Variants in CTNNA3 observed in about 807,000 individuals in gnomAD.
The protein encoded by CTNNA3 is catenin alpha 3.
Under a neutral mutation model 95.7 loss-of-function variants are expected in CTNNA3, and 76 were observed. The observed-to-expected ratio is 0.79, with a 90% confidence interval of 0.66 to 0.96. The LOEUF (loss-of-function observed/expected upper bound fraction) is 0.96, where lower values mean the gene tolerates loss of function less well. CTNNA3 is among the 40% of genes least tolerant of loss of function. The pLI, the probability that CTNNA3 is intolerant of heterozygous loss-of-function variation, is 0.00. For synonymous variants in CTNNA3, 431 were observed against 374.4 expected, an observed-to-expected ratio of 1.15 and a Z score of -1.74; for missense variants, 1,191 against 1,089.8, an observed-to-expected ratio of 1.09 and a Z score of -1.31.
chr10:66,177,406 T>C (rs958018593), intron 13 of CTNNA3, among the ~76,000 whole-genome samples: 1 of 152,036 alleles, frequency 6.6e-6, no homozygotes, highest in East Asian at 1.9e-4. Context: ...ACCAGATTTT[T>C]AAAAATTTTG....
intron 7 of CTNNA3, among the ~76,000 whole-genome samples, chr10:66,965,868 C>A (rs765254585): frequency 2.0e-5 from 3 of 152,072 alleles, no homozygotes; most frequent in Admixed American, 2.0e-4. Flanking sequence ...TGTGCCTTCC[C>A]ATCATTATAA....
At chr10:66,021,717 A>ATTAG (rs2079214466) in intron 15 of CTNNA3, among the ~76,000 whole-genome samples, 1 of 152,166 alleles carries the variant, frequency 6.6e-6, no homozygotes, top group South Asian at 2.1e-4. Context: ...AAACCACAGT[A>ATTAG]TTAGTGTCCA....
At chr10:65,965,553 C>T (rs1041358339) in intron 17 of CTNNA3, among the ~76,000 whole-genome samples, 9 of 151,680 alleles carry the variant, frequency 5.9e-5, no homozygotes, top group Non-Finnish European at 1.0e-4. Flanking sequence ...TACAGGCATG[C>T]GCCACCACAC....
intron 13 of CTNNA3, among the ~76,000 whole-genome samples, chr10:66,135,480 TGA>T (rs1358871647): frequency 6.6e-6 from 1 of 151,926 alleles, no homozygotes; most frequent in Non-Finnish European, 1.5e-5. Flanking sequence ...TCTGTAACAG[TGA>T]GAGAGAAATT....
chr10:67,684,430 T>C (rs1470278441), intron 1 of CTNNA3, among the ~76,000 whole-genome samples: 1 of 152,144 alleles, frequency 6.6e-6, no homozygotes, highest in African/African-American at 2.4e-5. Context: ...CACAGAGTGC[T>C]GACTGATGCG....
At chr10:66,433,327 T>C (rs184769286) in intron 11 of CTNNA3, among the ~76,000 whole-genome samples, 2,232 of 152,318 alleles carry the variant, frequency 0.015, 28 homozygotes, top group Non-Finnish European at 0.026. Flanking sequence ...CCTGACTTTT[T>C]AATGATTGCC....
At chr10:67,760,336 C>A (rs1456392711) in intron 1 of CTNNA3, among the ~76,000 whole-genome samples, 1 of 152,152 alleles carries the variant, frequency 6.6e-6, no homozygotes, top group African/African-American at 2.4e-5. Context: ...AATTTATATG[C>A]CATTGTGCCA....
chr10:66,835,612 A>G (rs1016316068), intron 7 of CTNNA3, among the ~76,000 whole-genome samples: 1 of 152,170 alleles, frequency 6.6e-6, no homozygotes, highest in East Asian at 1.9e-4. Context: ...TACTTTTGAC[A>G]CACCCCCACC....
intron 11 of CTNNA3, among the ~76,000 whole-genome samples, chr10:66,397,329 C>A (rs1340953389): frequency 6.6e-6 from 1 of 151,698 alleles, no homozygotes; most frequent in Admixed American, 6.6e-5. Flanking sequence ...ACTAAGCAAA[C>A]TACCATTTAT....
chr10:66,930,358 A>C (rs1181183340), intron 7 of CTNNA3, among the ~76,000 whole-genome samples: 2 of 152,212 alleles, frequency 1.3e-5, no homozygotes, highest in African/African-American at 4.8e-5. Flanking sequence ...ATACTTCCTC[A>C]CAGCTTACTG....
intron 13 of CTNNA3, among the ~76,000 whole-genome samples, chr10:66,219,363 C>T (rs2088774527): frequency 6.6e-6 from 1 of 152,170 alleles, no homozygotes; most frequent in Admixed American, 6.5e-5. Context: ...CCTGGTTTCA[C>T]ACTCTTCTCA....
At chr10:67,657,936 A>AG (rs1840072963) in intron 1 of CTNNA3, among the ~76,000 whole-genome samples, 1 of 151,932 alleles carries the variant, frequency 6.6e-6, no homozygotes, top group Admixed American at 6.6e-5. Context: ...AAGTGTTAGC[A>AG]GAAAGGCCCA....
chr10:67,441,273 A>T (rs563719313), intron 5 of CTNNA3, among the ~76,000 whole-genome samples: 2 of 152,072 alleles, frequency 1.3e-5, no homozygotes, highest in Admixed American at 1.3e-4. Flanking sequence ...ACAAAAAAAA[A>T]AAAAGAATAA....
chr10:66,911,886 A>G (rs1846237508), intron 7 of CTNNA3, among the ~76,000 whole-genome samples: 1 of 152,196 alleles, frequency 6.6e-6, no homozygotes, highest in Non-Finnish European at 1.5e-5. Context: ...ATCAGGACTA[A>G]TGGCCTGAAC....
chr10:66,655,148 C>G (rs1330000993), intron 9 of CTNNA3, among the ~76,000 whole-genome samples: 1 of 152,028 alleles, frequency 6.6e-6, no homozygotes, highest in Non-Finnish European at 1.5e-5. Context: ...TGGATTCAGC[C>G]TTTCCACAAT....
At chr10:66,388,406 A>T (rs2092910156) in intron 11 of CTNNA3, among the ~76,000 whole-genome samples, 1 of 152,176 alleles carries the variant, frequency 6.6e-6, no homozygotes, top group Admixed American at 6.6e-5. Flanking sequence ...TATACAAAGA[A>T]TATTCACTAA....
intron 7 of CTNNA3, among the ~76,000 whole-genome samples, chr10:66,945,745 T>A (rs1848238658): frequency 6.6e-6 from 1 of 152,192 alleles, no homozygotes; most frequent in African/African-American, 2.4e-5. Flanking sequence ...GAGATAAATG[T>A]GACTCTCTTT....
intron 13 of CTNNA3, among the ~76,000 whole-genome samples, chr10:66,174,817 C>T (rs183217668): frequency 7.2e-5 from 11 of 152,206 alleles, no homozygotes; most frequent in Admixed American, 3.9e-4. Context: ...GGTATATTCA[C>T]ATATGCTATC....
At chr10:66,445,761 G>A (rs1259852472) in intron 11 of CTNNA3, among the ~76,000 whole-genome samples, 1 of 149,456 alleles carries the variant, frequency 6.7e-6, no homozygotes, top group Non-Finnish European at 1.5e-5. Context: ...ACAATTAAAA[G>A]AACTAGAAAA....
Sources: allele counts gnomAD v4.1 joint callset (sites outside exome capture counted in the v4.1 genomes callset), GRCh38; gene constraint gnomAD v4.1.1; transcripts MANE v1.5; gene names NCBI Gene and HGNC (gene_info 2026-07-23, HGNC 2026-07-21).